Variants in DAPK1 observed in about 807,000 individuals in gnomAD.
DAPK1 encodes death-associated protein kinase 1.
DAPK1 carries 56 observed loss-of-function variants against 144.9 expected under a neutral mutation model. The observed-to-expected ratio is 0.39, with a 90% CI of 0.31 to 0.48. The LOEUF (loss-of-function observed/expected upper bound fraction) is 0.48, where lower values mean the gene tolerates loss of function less well. Among genes scored for constraint, DAPK1 ranks in the 20% least tolerant of loss-of-function variants. The pLI is 0.95. For missense variants in DAPK1, 1,454 were observed against 1,875.4 expected (o/e 0.78, Z 4.15); for synonymous variants, 690 against 749.0 (o/e 0.92, Z 1.29).
chr9:87,681,632 A>C lies in DAPK1; in HGVS notation c.2224+6A>C. 2 of 1,427,758 alleles carry C rather than the reference A, an allele frequency of 1.4e-6. No individual in the cohort carries two copies. The highest frequency in any genetic ancestry group is 2.0e-6 in the Non-Finnish European group (2 of 1,010,076). 88.4% of individuals were successfully genotyped at this position (1,427,758 alleles called of 1,614,324 possible). A position where few individuals can be genotyped will look rare whatever the true frequency, so the allele number is the denominator to read the frequency against. On this transcript the variant is annotated splice_donor_region_variant and intron_variant, in intron 20 of 25. Transcript: ENST00000408954. ...CCTGGCTTCTAAGCCCACAGGTAGGAACCTCCATGCTGGCCCCGTCTCTCC... is the reference window on the plus strand; with the variant it reads ...CCTGGCTTCTAAGCCCACAGGTAGGCACCTCCATGCTGGCCCCGTCTCTCC...
chr9:87,601,266 A>G (rs573370411), intron 2 of DAPK1, among the ~76,000 whole-genome samples: 2 of 152,326 alleles, frequency 1.3e-5, no homozygotes, highest in East Asian at 3.9e-4. Context: ...AGACTGTGCT[A>G]TGGAAATGCC....
chr9:87,552,818 C>G (rs1826546567), intron 2 of DAPK1, among the ~76,000 whole-genome samples: 1 of 150,980 alleles, frequency 6.6e-6, no homozygotes, highest in African/African-American at 2.4e-5. Context: ...TCAGGCTGTT[C>G]TAGAACTCCA....
At chr9:87,604,892 A>G (rs1020721994) in intron 2 of DAPK1, 62 bp from the exon 3 acceptor site, 3 of 1,503,428 alleles carry the variant, frequency 2.0e-6, no homozygotes, top group Non-Finnish European at 2.7e-6. Context: ...ACCATGCCAC[A>G]TCCTCACTCA....
At position 87,681,507 on chromosome 9, in the gene DAPK1, C is replaced by G. The variant is rs766571993; in HGVS notation, c.2105C>G (p.Thr702Ser). 7 of 1,612,410 alleles carry G rather than the reference C, an allele frequency of 4.3e-6. No homozygotes were observed. Among genetic ancestry groups the G allele is most frequent in the Non-Finnish European group, 2.5e-6 (3 of 1,178,426 alleles). Residue 702 changes from threonine (T) to serine (S), a missense_variant, in exon 20 of 26, where the codon ACC (threonine) becomes AGC (serine). By Grantham distance (58) the Thr-to-Ser change is moderately conservative (BLOSUM62 1). Around this residue, in one of 2 missense-constraint regions of DAPK1, gnomAD observed 1,025 missense variants for 1,237.9 expected, o/e 0.83. Transcript: ENST00000408954. ...GGCCACTCGGGATCCGGGAAAACCA[C>G]CCTTGTAGAATCTCTCAAGTGTGGG... ...LFGHSGSGKT[T>S]LVESLKCGLL...
chr9:87,657,697 G>A (rs935898435), intron 17 of DAPK1: 16 of 332,044 alleles, frequency 4.8e-5, no homozygotes, highest in Non-Finnish European at 6.9e-5. Flanking sequence ...TTCTTCCCTG[G>A]CTGTGTCTAA....
At chr9:87,518,918 G>GA (rs34534596) in intron 2 of DAPK1, among the ~76,000 whole-genome samples, 78,136 of 144,644 alleles carry the variant, frequency 0.54, 22,340 homozygotes, top group South Asian at 0.77. Context: ...ATCTTTCCAG[G>GA]AAAAAAAAAA....
intron 2 of DAPK1, among the ~76,000 whole-genome samples, chr9:87,516,829 A>G (rs1825078935): frequency 1.3e-5 from 2 of 151,980 alleles, no homozygotes; most frequent in Non-Finnish European, 2.9e-5. Flanking sequence ...TTTGGAGGAT[A>G]TTGTGCAAAA....
At chr9:87,577,251 G>A (rs1256038144) in intron 2 of DAPK1, among the ~76,000 whole-genome samples, 4 of 152,124 alleles carry the variant, frequency 2.6e-5, no homozygotes, top group African/African-American at 9.7e-5. Flanking sequence ...CAGATTCTCA[G>A]GTTCCACCCC....
At chr9:87,522,047 C>T (rs1825317344) in intron 2 of DAPK1, among the ~76,000 whole-genome samples, 2 of 152,194 alleles carry the variant, frequency 1.3e-5, no homozygotes, top group Admixed American at 1.3e-4. Context: ...AGAAGATGCT[C>T]ACCAGGTGCC....
intron 2 of DAPK1, among the ~76,000 whole-genome samples, chr9:87,511,668 T>TTGTG (rs59377718): frequency 0.025 from 3,483 of 140,708 alleles, 52 homozygotes; most frequent in African/African-American, 0.033. Context: ...TCTTTTTCTT[T>TTGTG]TGTGTGTGTG....
chr9:87,569,695 G>A (rs1263297846), intron 2 of DAPK1, among the ~76,000 whole-genome samples: 2 of 152,108 alleles, frequency 1.3e-5, no homozygotes, highest in East Asian at 3.9e-4. Flanking sequence ...GTGTGTAGCA[G>A]TGCCTTTTGG....
At chr9:87,621,528 TTGTG>T (rs1467848547) in intron 3 of DAPK1, among the ~76,000 whole-genome samples, 2 of 152,228 alleles carry the variant, frequency 1.3e-5, no homozygotes, top group African/African-American at 4.8e-5. Flanking sequence ...ATCGTCTTCC[TTGTG>T]TGTATCACTC....
intron 2 of DAPK1, among the ~76,000 whole-genome samples, chr9:87,528,298 A>G (rs1389293025): frequency 6.7e-6 from 1 of 150,310 alleles, no homozygotes; most frequent in Non-Finnish European, 1.5e-5. Context: ...GCTCACTGCA[A>G]CCTCCACCTC....
intron 3 of DAPK1, chr9:87,633,241 G>A (rs1292364970): frequency 2.0e-6 from 2 of 984,378 alleles, no homozygotes; most frequent in Admixed American, 6.2e-5. Flanking sequence ...GAAGGAATAT[G>A]AGTCCATATG....
chr9:87,548,319 C>T (rs1410932965), intron 2 of DAPK1, among the ~76,000 whole-genome samples: 1 of 152,150 alleles, frequency 6.6e-6, no homozygotes, highest in East Asian at 1.9e-4. Context: ...CCCTGGTTTT[C>T]CCCCTAAATA....
At chr9:87,627,895 C>T (rs10746822) in intron 3 of DAPK1, among the ~76,000 whole-genome samples, 75,044 of 152,028 alleles carry the variant, frequency 0.49, 19,643 homozygotes, top group East Asian at 0.78. Flanking sequence ...GCCAGATGCT[C>T]ATATCCTAGC....
At chr9:87,583,205 T>C (rs968313934) in intron 2 of DAPK1, among the ~76,000 whole-genome samples, 10 of 152,158 alleles carry the variant, frequency 6.6e-5, no homozygotes, top group African/African-American at 2.4e-4. Flanking sequence ...TATTACAGAT[T>C]CCCCCTTTAT....
chr9:87,687,194 C>A lies in DAPK1; in HGVS notation c.2413+455C>A, dbSNP rs36218117. Among the ~76,000 whole-genome samples, 1,018 of 152,234 alleles carry A rather than the reference C, an allele frequency of 6.7e-3. 13 individuals carry two copies. Among genetic ancestry groups the A allele is most frequent in the African/African-American group, 0.023 (950 of 41,524 alleles). On this transcript the variant is annotated intron_variant, in intron 21 of 25. Transcript: ENST00000408954. ...TACAACGCATTGTTAACTATAGTCA[C>A]CCTATTCTGCTATTGAACACTGGAA...
At chr9:87,605,431 C>G (rs1480579854) in intron 3 of DAPK1, among the ~76,000 whole-genome samples, 1 of 152,198 alleles carries the variant, frequency 6.6e-6, no homozygotes, top group Non-Finnish European at 1.5e-5. Context: ...TTGCGGTTCA[C>G]CACTTTCTGG....
Sources: allele counts gnomAD v4.1 joint callset (sites outside exome capture counted in the v4.1 genomes callset), GRCh38; gene constraint gnomAD v4.1.1; regional missense constraint gnomAD v4.1.1; transcripts MANE v1.5; gene names NCBI Gene and HGNC (gene_info 2026-07-23, HGNC 2026-07-21).